Variants in MYO5B observed in about 807,000 individuals in gnomAD.
MYO5B encodes the protein unconventional myosin-Vb.
A neutral mutation model predicts 229.3 loss-of-function variants in MYO5B; 143 were observed. The ratio of observed to expected loss-of-function variants is 0.62; its 90% CI spans 0.54 to 0.72. The LOEUF (loss-of-function observed/expected upper bound fraction) is 0.72, where lower values mean the gene tolerates loss of function less well. MYO5B is among the 30% of genes least tolerant of loss of function. The pLI is 0.00. For synonymous variants in MYO5B, 918 were observed against 885.2 expected (o/e 1.04, Z -0.66); for missense variants, 2,321 against 2,331.0 (o/e 1.00, Z 0.09).
At position 49,991,907 on chromosome 18, in the gene MYO5B, A is replaced by T. The variant is rs527842938; in HGVS notation, c.756+381T>A. Among the ~76,000 whole-genome samples, 4 of 152,328 alleles carry T rather than the reference A, an allele frequency of 2.6e-5. No individual in the cohort carries two copies. In the South Asian group the frequency reaches 8.3e-4, roughly 32 times the overall value. On this transcript the variant is annotated intron_variant, in intron 6 of 39. Coordinates refer to ENST00000285039, the MANE Select transcript of MYO5B (RefSeq NM_001080467.3). ...TATAATCTATTTTTTAAACCTACTA[A>T]ATAAGGAAGTTCTCAGGAAACCTAA...
At chr18:50,116,884 A>G (rs569557123) in intron 1 of MYO5B, among the ~76,000 whole-genome samples, 1 of 152,178 alleles carries the variant, frequency 6.6e-6, no homozygotes, top group Non-Finnish European at 1.5e-5. Flanking sequence ...CACACACAAC[A>G]TCAACAATGA....
chr18:49,909,112 G>A (rs1042416844), intron 18 of MYO5B, among the ~76,000 whole-genome samples: 3 of 152,242 alleles, frequency 2.0e-5, no homozygotes, highest in African/African-American at 7.2e-5. Flanking sequence ...GCTTGGGACA[G>A]GGTGGGGAAC....
intron 22 of MYO5B, among the ~76,000 whole-genome samples, chr18:49,880,979 C>G (rs989467954): frequency 6.6e-6 from 1 of 152,200 alleles, no homozygotes; most frequent in Non-Finnish European, 1.5e-5. Flanking sequence ...TGCAAGCCTG[C>G]ACCGAGTCAA....
At chr18:50,139,603 C>T (rs2032386816) in intron 1 of MYO5B, among the ~76,000 whole-genome samples, 1 of 152,152 alleles carries the variant, frequency 6.6e-6, no homozygotes, top group South Asian at 2.1e-4. Flanking sequence ...CTGGGGAGCC[C>T]TTTGCCCAGC....
chr18:50,020,360 A>G (rs2144357149), intron 4 of MYO5B, among the ~76,000 whole-genome samples: 1 of 152,302 alleles, frequency 6.6e-6, no homozygotes, highest in South Asian at 2.1e-4. Flanking sequence ...TCCCACCACC[A>G]CATGCACCAA....
chr18:49,824,626 C>T lies in MYO5B; in HGVS notation c.*1845G>A, dbSNP rs1598811890. ...CTTACATAAGAGACTCACTTTCAAA[C>T]TAAAGTGCATTAAAAAACAAATTAT... On this transcript the variant is annotated 3_prime_UTR_variant, in exon 40 of 40. Coordinates refer to ENST00000285039, the MANE Select transcript of MYO5B (RefSeq NM_001080467.3). 2 of 152,272 alleles carry T rather than the reference C, an allele frequency of 1.3e-5. 1 individual carries two copies. Among genetic ancestry groups the T allele is most frequent in the South Asian group, 4.1e-4 (2 of 4,820 alleles). 9.4% of individuals were successfully genotyped at this position (152,272 alleles called of 1,614,324 possible). A position where few individuals can be genotyped will look rare whatever the true frequency, so the allele number is the denominator to read the frequency against.
chr18:49,875,571 A>T, intron 26 of MYO5B, 116 bp downstream of exon 26: 1 of 1,427,528 alleles, frequency 7.0e-7, no homozygotes, highest in Non-Finnish European at 9.8e-7. Flanking sequence ...GAGCCCTCTG[A>T]GACTTAGCAG....
chr18:49,861,087 C>A (rs1182523025), intron 29 of MYO5B, among the ~76,000 whole-genome samples: 1 of 152,264 alleles, frequency 6.6e-6, no homozygotes, highest in Non-Finnish European at 1.5e-5. Flanking sequence ...GCAGCACACA[C>A]TGCGAAGCTG....
intron 31 of MYO5B, chr18:49,850,139 C>T (rs2024181797): frequency 4.4e-6 from 1 of 228,936 alleles, no homozygotes; most frequent in East Asian, 1.1e-4. Context: ...GGCCCCAGAC[C>T]CTAGCAGCTG....
At chr18:50,122,275 A>G (rs943656148) in intron 1 of MYO5B, among the ~76,000 whole-genome samples, 1 of 151,832 alleles carries the variant, frequency 6.6e-6, no homozygotes, top group Non-Finnish European at 1.5e-5. Context: ...CCTAAGTAGA[A>G]ATGTGGTTCT....
intron 2 of MYO5B, among the ~76,000 whole-genome samples, chr18:50,051,279 C>T (rs1423271242): frequency 6.6e-6 from 1 of 152,156 alleles, no homozygotes; most frequent in East Asian, 1.9e-4. Context: ...AATACTGAGA[C>T]GGTAGAGTGT....
intron 4 of MYO5B, among the ~76,000 whole-genome samples, chr18:50,003,900 C>A (rs2026073676): frequency 1.3e-5 from 2 of 152,156 alleles, no homozygotes; most frequent in Admixed American, 1.3e-4. Flanking sequence ...GGAAATGAAT[C>A]CCATCAGTGG....
In MYO5B at chr18:49,939,749, A is replaced by C. The variant is rs142789145; in HGVS notation, c.1753-2352T>G. Among the ~76,000 whole-genome samples the C allele has an allele frequency of 1.4e-4, 22 of 152,348 alleles. No homozygotes were observed. In the East Asian group the frequency reaches 3.9e-3, roughly 27 times the overall value. ...CCCAGGTCAGAATTTGTTTCAATAC[A>C]GAAATATAGCCTTGTCATTTAAACC... On this transcript the variant is annotated intron_variant, in intron 14 of 39. Transcript: ENST00000285039.
chr18:49,846,577 A>G (rs1250574009), intron 33 of MYO5B, among the ~76,000 whole-genome samples: 1 of 152,174 alleles, frequency 6.6e-6, no homozygotes, highest in East Asian at 1.9e-4. Flanking sequence ...TGTACCACAC[A>G]GCACTTTAAA....
rs149968405 is a variant in MYO5B, at chr18:50,097,980, C to T, written c.28-42602G>A. Among the ~76,000 whole-genome samples the T allele has an allele frequency of 7.1e-4, 108 of 152,320 alleles. No homozygotes were observed. The East Asian group carries it at 0.02, about 28-fold the overall frequency. On this transcript the variant is annotated intron_variant, in intron 1 of 39. Transcript: ENST00000285039. ...CCCTAAACAAAGAAACTACACACTG[C>T]TTTTTGCCAAAGAGGCTAGTGGTAT... is the stretch of plus-strand genomic sequence containing the variant.
intron 6 of MYO5B, 87 bp from the exon 7 acceptor site, chr18:49,990,607 G>T: frequency 1.8e-6 from 2 of 1,122,472 alleles, no homozygotes; most frequent in Non-Finnish European, 1.3e-6. Flanking sequence ...TGCTCCAGGT[G>T]GTGGAGGCTG....
intron 1 of MYO5B, among the ~76,000 whole-genome samples, chr18:50,149,901 C>G (rs2032568677): frequency 6.8e-6 from 1 of 146,312 alleles, no homozygotes; most frequent in Non-Finnish European, 1.5e-5. Context: ...AGGCAACCTA[C>G]AAAATGGGAG....
In MYO5B at chr18:49,863,323, G is replaced by A. The variant is rs1195500915; in HGVS notation, c.3848C>T (p.Pro1283Leu). 9.9e-6 allele frequency: 16 copies of A among 1,613,414 alleles called. No individual in the cohort carries two copies. Among genetic ancestry groups the A allele is most frequent in the Admixed American group, 3.3e-5 (2 of 60,000 alleles). ...CCAACTTGATCTGGCATTAATGTTC[G>A]GCTCCTAGAAAGCCCCAGATAAAAA... is the stretch of plus-strand genomic sequence containing the variant. ...QRRLAGRNAE[P>L]NINARSSWPN... is the part of the protein sequence containing the mutation. Residue 1283 changes from proline to leucine, a missense_variant, in exon 29 of 40, where the codon CCG becomes CTG. By Grantham distance (98) the Pro-to-Leu change is moderately conservative. Transcript: ENST00000285039.
intron 4 of MYO5B, among the ~76,000 whole-genome samples, chr18:50,008,034 C>A (rs879730045): frequency 2.0e-5 from 3 of 152,154 alleles, no homozygotes; most frequent in Non-Finnish European, 4.4e-5. Flanking sequence ...TGGAATTATA[C>A]AGGATAATGC....
Sources: gnomAD v4.1 joint callset for allele counts (sites outside exome capture counted in the v4.1 genomes callset) on GRCh38, gnomAD v4.1.1 for gene constraint, MANE v1.5 for transcripts, NCBI Gene and HGNC (gene_info 2026-07-23, HGNC 2026-07-21) for gene names.